The following PTPRD variants were observed in gnomAD, a reference collection of about 807,000 sequenced individuals.
The protein encoded by PTPRD is protein tyrosine phosphatase receptor type D.
A neutral mutation model predicts 214.5 loss-of-function variants in PTPRD; 34 were observed. The observed-to-expected ratio is 0.16, with a 90% CI of 0.12 to 0.21. The LOEUF (loss-of-function observed/expected upper bound fraction) is 0.21, where lower values mean the gene tolerates loss of function less well. Ranked by LOEUF, PTPRD falls within the 10% of genes least tolerant of loss-of-function variation. PTPRD has a pLI of 1.00. For synonymous variants in PTPRD, 1,128 were observed against 845.7 expected (o/e 1.33, Z -5.79); for missense variants, 2,545 against 2,398.7 (o/e 1.06, Z -1.27).
chr9:8,600,784 T>C (rs1251325805), intron 14 of PTPRD, among the ~76,000 whole-genome samples: 3 of 151,948 alleles, frequency 2.0e-5, no homozygotes, highest in Admixed American at 2.0e-4. Context: ...CCACAGGCCT[T>C]GGGTAAGTCT....
At chr9:9,671,185 C>A (rs2096826171) in intron 7 of PTPRD, among the ~76,000 whole-genome samples, 1 of 152,122 alleles carries the variant, frequency 6.6e-6, no homozygotes, top group Non-Finnish European at 1.5e-5. Flanking sequence ...GATGTAAGAC[C>A]AGGAGTCAAA....
chr9:10,513,130 T>C (rs1345342795), intron 2 of PTPRD, among the ~76,000 whole-genome samples: 2 of 151,950 alleles, frequency 1.3e-5, no homozygotes, highest in Non-Finnish European at 2.9e-5. Context: ...AGTATTTTGT[T>C]TTTGTTTTTC....
At chr9:9,304,826 C>T (rs1044061310) in intron 9 of PTPRD, among the ~76,000 whole-genome samples, 1 of 151,108 alleles carries the variant, frequency 6.6e-6, no homozygotes, top group South Asian at 2.1e-4. Context: ...TCTGTTTAAT[C>T]TCCACCCTCC....
chr9:9,455,516 C>T (rs1400590424), intron 8 of PTPRD, among the ~76,000 whole-genome samples: 1 of 151,616 alleles, frequency 6.6e-6, no homozygotes, highest in African/African-American at 2.4e-5. Flanking sequence ...AGTACAGCTA[C>T]TCTAAAAGTC....
At chr9:9,436,948 G>A (rs1341349338) in intron 8 of PTPRD, among the ~76,000 whole-genome samples, 2 of 151,304 alleles carry the variant, frequency 1.3e-5, no homozygotes. Context: ...AATAAAGAAT[G>A]TCAGGAAAGC....
chr9:10,059,304 TCTC>T (rs908295006), intron 3 of PTPRD, among the ~76,000 whole-genome samples: 2 of 152,272 alleles, frequency 1.3e-5, no homozygotes, highest in Admixed American at 1.3e-4. Flanking sequence ...CTCATGGGCT[TCTC>T]CTCAAGGATT....
intron 11 of PTPRD, among the ~76,000 whole-genome samples, chr9:9,013,631 C>T (rs567818541): frequency 6.6e-6 from 1 of 152,134 alleles, no homozygotes; most frequent in South Asian, 2.1e-4. Flanking sequence ...CATTGGAGGG[C>T]AGTTAATTAA....
chr9:9,360,782 G>C (rs1385222414), intron 9 of PTPRD, among the ~76,000 whole-genome samples: 1 of 150,958 alleles, frequency 6.6e-6, no homozygotes, highest in East Asian at 2.0e-4. Context: ...TTTAATAATA[G>C]ATACATTCAT....
chr9:8,387,912 T>C (rs2087780384), intron 37 of PTPRD, among the ~76,000 whole-genome samples: 1 of 152,224 alleles, frequency 6.6e-6, no homozygotes, highest in African/African-American at 2.4e-5. Context: ...AGGAGTTACC[T>C]TAAGTACAAA....
At chr9:9,763,854 T>A (rs2098682989) in intron 6 of PTPRD, among the ~76,000 whole-genome samples, 1 of 152,190 alleles carries the variant, frequency 6.6e-6, no homozygotes, top group South Asian at 2.1e-4. Context: ...TATATATTTT[T>A]AAATAGACAC....
chr9:9,087,161 A>G (rs898078167), intron 10 of PTPRD, among the ~76,000 whole-genome samples: 4 of 152,084 alleles, frequency 2.6e-5, no homozygotes, highest in African/African-American at 9.7e-5. Flanking sequence ...AACATTACTT[A>G]AGGTAAACTT....
intron 39 of PTPRD, among the ~76,000 whole-genome samples, chr9:8,355,482 G>C (rs879696958): frequency 2.6e-5 from 4 of 152,184 alleles, no homozygotes; most frequent in Non-Finnish European, 5.9e-5. Flanking sequence ...ATAAGAGCTA[G>C]TATTAAGTGT....
chr9:9,213,246 G>A (rs1294059861), intron 9 of PTPRD, among the ~76,000 whole-genome samples: 8 of 152,102 alleles, frequency 5.3e-5, no homozygotes, highest in Non-Finnish European at 8.8e-5. Flanking sequence ...ACTGAGAGGC[G>A]TAAATGCTTT....
chr9:9,794,772 A>G (rs1178959993), intron 5 of PTPRD, among the ~76,000 whole-genome samples: 1 of 152,244 alleles, frequency 6.6e-6, no homozygotes, highest in Non-Finnish European at 1.5e-5. Flanking sequence ...TAAGTAACTC[A>G]AACTGAGTAT....
intron 3 of PTPRD, among the ~76,000 whole-genome samples, chr9:10,147,285 T>A (rs2099029961): frequency 6.6e-6 from 1 of 152,062 alleles, no homozygotes; most frequent in African/African-American, 2.4e-5. Context: ...TTATTATACT[T>A]TAAGTTTTAG....
At chr9:9,088,105 C>T (rs1224268532) in intron 10 of PTPRD, among the ~76,000 whole-genome samples, 3 of 151,292 alleles carry the variant, frequency 2.0e-5, no homozygotes, top group Admixed American at 2.0e-4. Context: ...TGGTCTTGAA[C>T]TCCTGACCTG....
intron 3 of PTPRD, among the ~76,000 whole-genome samples, chr9:10,042,230 C>T (rs922854810): frequency 1.3e-5 from 2 of 151,918 alleles, no homozygotes; most frequent in African/African-American, 4.8e-5. Context: ...GGTCATTTCT[C>T]TATGTGTAAT....
intron 3 of PTPRD, among the ~76,000 whole-genome samples, chr9:10,097,547 A>G (rs1403838545): frequency 6.6e-6 from 1 of 151,266 alleles, no homozygotes; most frequent in East Asian, 2.0e-4. Context: ...TTTGTCTGTT[A>G]TTGGTGTATA....
At chr9:8,789,865 G>A (rs114913152) in intron 11 of PTPRD, among the ~76,000 whole-genome samples, 3 of 152,106 alleles carry the variant, frequency 2.0e-5, no homozygotes, top group Admixed American at 6.6e-5. Context: ...GAAAAGACTA[G>A]AGTGTATCTT....
Sources: gnomAD v4.1 joint callset for allele counts (sites outside exome capture counted in the v4.1 genomes callset) on GRCh38, gnomAD v4.1.1 for gene constraint, MANE v1.5 for transcripts, NCBI Gene and HGNC (gene_info 2026-07-23, HGNC 2026-07-21) for gene names.